The following HS3ST5 variants were observed in gnomAD, a reference collection of about 807,000 sequenced individuals.
HS3ST5 encodes the protein heparan sulfate-glucosamine 3-sulfotransferase 5.
A neutral mutation model predicts 25.4 loss-of-function variants in HS3ST5; 10 were observed. The ratio of observed to expected loss-of-function variants is 0.39; its 90% confidence interval spans 0.24 to 0.67. HS3ST5 has a LOEUF of 0.67. HS3ST5 is among the 30% of genes least tolerant of loss of function. HS3ST5 has a pLI of 0.44. For missense variants in HS3ST5, 324 were observed against 420.7 expected, an observed-to-expected ratio of 0.77 and a Z score of 2.01; for synonymous variants, 170 against 162.4, an observed-to-expected ratio of 1.05 and a Z score of -0.36.
At chr6:114,084,818 T>TTTTTC (rs1239927678) in intron 3 of HS3ST5, 8 of 674,010 alleles carry the variant, frequency 1.2e-5, no homozygotes, top group East Asian at 8.1e-5. Context: ...GAAAATTTCT[T>TTTTTC]TTTTCTTTTC....
intron 1 of HS3ST5, among the ~76,000 whole-genome samples, chr6:114,322,339 ACCATACTAAAAATATT>A (rs1776002379): frequency 6.6e-6 from 1 of 152,146 alleles, no homozygotes; most frequent in African/African-American, 2.4e-5. Context: ...TAGTTTTAAG[ACCATACTAAAAATATT>A]GTCTGCACAA....
intron 2 of HS3ST5, among the ~76,000 whole-genome samples, chr6:114,183,384 T>C (rs1173899381): frequency 6.6e-6 from 1 of 152,212 alleles, no homozygotes; most frequent in African/African-American, 2.4e-5. Flanking sequence ...GAGATGTGCC[T>C]TTGCCTTCTA....
At chr6:114,278,374 T>C (rs1034525041) in intron 1 of HS3ST5, among the ~76,000 whole-genome samples, 36 of 151,976 alleles carry the variant, frequency 2.4e-4, no homozygotes, top group Non-Finnish European at 2.2e-4. Flanking sequence ...ATAATTTTGC[T>C]TGCAAATTTA....
chr6:114,175,066 T>C (rs772164371), intron 2 of HS3ST5, among the ~76,000 whole-genome samples: 3 of 152,132 alleles, frequency 2.0e-5, no homozygotes, highest in Non-Finnish European at 4.4e-5. Context: ...CATGCTAAGA[T>C]TTGAGTTTAA....
chr6:114,124,652 A>G (rs1467990036), intron 3 of HS3ST5, among the ~76,000 whole-genome samples: 1 of 150,326 alleles, frequency 6.7e-6, no homozygotes, highest in African/African-American at 2.4e-5. Flanking sequence ...TTTTAATCAA[A>G]TGGGACCAGC....
At position 114,128,126 on chromosome 6, in the gene HS3ST5, A is replaced by G. The variant is rs975478807; in HGVS notation, c.-33+40225T>C. On this transcript the variant is annotated intron_variant, in intron 3 of 4. Transcript: ENST00000312719. Reference sequence around the variant, plus strand: ...CTCTTGAACAAAGACCTGAGCCTCTATAGTTTTAAAGAACTCCTCCAGATA... The same window carrying G: ...CTCTTGAACAAAGACCTGAGCCTCTGTAGTTTTAAAGAACTCCTCCAGATA... Among the ~76,000 whole-genome samples, 12 of 152,182 alleles carry G rather than the reference A, an allele frequency of 7.9e-5. No individual in the cohort carries two copies. In the East Asian group the frequency reaches 1.7e-3, roughly 22 times the overall value.
intron 3 of HS3ST5, among the ~76,000 whole-genome samples, chr6:114,088,095 T>G (rs1442210940): frequency 6.6e-6 from 1 of 152,242 alleles, no homozygotes; most frequent in African/African-American, 2.4e-5. Context: ...AGAAAATTTA[T>G]CACTGAAATT....
At chr6:114,116,287 G>A (rs1039421583) in intron 3 of HS3ST5, 1 of 151,984 alleles carries the variant, frequency 6.6e-6, no homozygotes, top group African/African-American at 2.4e-5. Flanking sequence ...ATTCCAAAAG[G>A]AATACAATTC....
intron 4 of HS3ST5, among the ~76,000 whole-genome samples, chr6:114,060,786 T>C (rs1253795914): frequency 6.6e-6 from 1 of 152,212 alleles, no homozygotes; most frequent in Non-Finnish European, 1.5e-5. Context: ...TCTTCTACCC[T>C]GGGAGATCAC....
intron 3 of HS3ST5, among the ~76,000 whole-genome samples, chr6:114,112,200 A>T (rs1229976804): frequency 6.6e-6 from 1 of 152,204 alleles, no homozygotes; most frequent in Non-Finnish European, 1.5e-5. Flanking sequence ...TTAAAGTTGC[A>T]GATGGAATGA....
intron 3 of HS3ST5, among the ~76,000 whole-genome samples, chr6:114,159,990 T>C (rs1247586353): frequency 2.0e-5 from 3 of 152,204 alleles, no homozygotes; most frequent in Non-Finnish European, 4.4e-5. Flanking sequence ...AAAGTGTGAC[T>C]GCATTTGTTT....
chr6:114,331,090 T>C (rs941097903), intron 1 of HS3ST5, among the ~76,000 whole-genome samples: 2 of 152,244 alleles, frequency 1.3e-5, no homozygotes, highest in Admixed American at 1.3e-4. Flanking sequence ...TAAAAGTATG[T>C]AGGGAACTAC....
At position 114,062,821 on chromosome 6, in the gene HS3ST5, G is replaced by A; in HGVS notation, c.25C>T (p.Leu9=). Reference sequence around the variant, plus strand: ...CCCAGCACCAGGAGCTTCTGTCTCAGCCACGCCTGCTGTTTGAATAGCATG... The same window carrying A: ...CCCAGCACCAGGAGCTTCTGTCTCAACCACGCCTGCTGTTTGAATAGCATG... MLFKQQAW[L]RQKLLVLGSL... The change falls in exon 4 of 5, where the codon CTG becomes TTG. Residue 9 remains leucine (L), a synonymous_variant. Transcript: ENST00000312719. The A allele has an allele frequency of 6.2e-7, 1 of 1,613,898 alleles. No homozygotes were observed. Among genetic ancestry groups the A allele is most frequent in the Non-Finnish European group, 8.5e-7 (1 of 1,179,872 alleles).
chr6:114,083,194 A>G (rs1172958747), intron 3 of HS3ST5, among the ~76,000 whole-genome samples: 1 of 152,216 alleles, frequency 6.6e-6, no homozygotes, highest in Non-Finnish European at 1.5e-5. Context: ...GGCAGGTCCA[A>G]CAGAGTGAGG....
intron 3 of HS3ST5, among the ~76,000 whole-genome samples, chr6:114,133,015 C>T (rs1189838137): frequency 6.6e-6 from 1 of 152,204 alleles, no homozygotes. Flanking sequence ...CTTTCCCCCA[C>T]TCCAAACCCT....
At chr6:114,337,935 G>A (rs761906425) in intron 1 of HS3ST5, among the ~76,000 whole-genome samples, 1 of 151,984 alleles carries the variant, frequency 6.6e-6, no homozygotes, top group Non-Finnish European at 1.5e-5. Flanking sequence ...TAACATCAAT[G>A]AAAAATAAAA....
At chr6:114,061,022 G>A (rs1390699259) in intron 4 of HS3ST5, among the ~76,000 whole-genome samples, 1 of 152,088 alleles carries the variant, frequency 6.6e-6, no homozygotes, top group Non-Finnish European at 1.5e-5. Flanking sequence ...AAATAAGCCT[G>A]TTACCTTCAG....
chr6:114,227,772 T>C (rs907714177), intron 2 of HS3ST5, among the ~76,000 whole-genome samples: 5 of 152,126 alleles, frequency 3.3e-5, no homozygotes, highest in African/African-American at 1.2e-4. Context: ...CAACTCATTA[T>C]TTTCATCTTT....
At chr6:114,158,820 A>G (rs1039713362) in intron 3 of HS3ST5, among the ~76,000 whole-genome samples, 4 of 152,216 alleles carry the variant, frequency 2.6e-5, no homozygotes, top group African/African-American at 9.6e-5. Flanking sequence ...AATGTTCTGT[A>G]TTACAGGGAA....
Sources: allele counts gnomAD v4.1 joint callset (sites outside exome capture counted in the v4.1 genomes callset), GRCh38; gene constraint gnomAD v4.1.1; transcripts MANE v1.5; gene names NCBI Gene and HGNC (gene_info 2026-07-23, HGNC 2026-07-21).